The following LINGO2 variants were observed in gnomAD, a reference collection of about 807,000 sequenced individuals.
The protein encoded by LINGO2 is leucine-rich repeat and immunoglobulin-like domain-containing nogo receptor-interacting protein 2.
Under a neutral mutation model 30.6 loss-of-function variants are expected in LINGO2, and 14 were observed. The ratio of observed to expected loss-of-function variants is 0.46; its 90% CI spans 0.30 to 0.72. The LOEUF is 0.72. LINGO2 is among the 30% of genes least tolerant of loss of function. The pLI, the probability that LINGO2 is intolerant of heterozygous loss-of-function variation, is 0.07. For missense variants in LINGO2, 729 were observed against 751.7 expected, an observed-to-expected ratio of 0.97 and a Z score of 0.35; for synonymous variants, 317 against 288.5, an observed-to-expected ratio of 1.10 and a Z score of -1.00.
chr9:28,275,442 C>T (rs2134105064), intron 4 of LINGO2, among the ~76,000 whole-genome samples: 1 of 152,146 alleles, frequency 6.6e-6, no homozygotes, highest in South Asian at 2.1e-4. Flanking sequence ...CTTTTAAATC[C>T]CAGCCTCATC....
At chr9:28,438,833 T>C (rs1587675694) in intron 2 of LINGO2, among the ~76,000 whole-genome samples, 1 of 143,930 alleles carries the variant, frequency 6.9e-6, no homozygotes, top group South Asian at 2.1e-4. Context: ...TATACATATA[T>C]ATATATATAT....
chr9:28,106,364 G>C (rs1195447258), intron 4 of LINGO2, among the ~76,000 whole-genome samples: 1 of 152,090 alleles, frequency 6.6e-6, no homozygotes, highest in African/African-American at 2.4e-5. Context: ...TGGACACAGA[G>C]ACAGAAATAA....
the LINGO2 span, among the ~76,000 whole-genome samples, chr9:28,677,582 A>G: frequency 6.6e-6 from 1 of 152,140 alleles, no homozygotes; most frequent in Non-Finnish European, 1.5e-5. Context: ...TTCAGCACAT[A>G]TCTTCAGTGG....
In LINGO2 at chr9:28,461,072, T is replaced by G. The variant is rs147736310; in HGVS notation, c.-279+14868A>C. On this transcript the variant is annotated intron_variant, in intron 2 of 5. Coordinates refer to ENST00000379992, the Ensembl canonical transcript of LINGO2. ...GTCTTTCTTCTTTATCATCATAGTC[T>G]TTTTCTTTTCTTATATGAAGAAAAA... Among the ~76,000 whole-genome samples, 205 of 152,286 alleles carry G rather than the reference T, an allele frequency of 1.3e-3. 3 individuals are homozygous for G. The highest frequency in any genetic ancestry group is 4.7e-3 in the African/African-American group (197 of 41,554).
intron 4 of LINGO2, among the ~76,000 whole-genome samples, chr9:28,036,958 TTAAG>T (rs1479345204): frequency 6.6e-6 from 1 of 152,194 alleles, no homozygotes; most frequent in African/African-American, 2.4e-5. Context: ...AGTTGGGTGT[TTAAG>T]TGAGACAAGT....
At chr9:28,678,302 A>G in the LINGO2 span, among the ~76,000 whole-genome samples, 1 of 152,160 alleles carries the variant, frequency 6.6e-6, no homozygotes, top group East Asian at 1.9e-4. Flanking sequence ...AAGCCCTTAC[A>G]TGGGCTGTTG....
At chr9:28,733,687 T>C in the LINGO2 span, among the ~76,000 whole-genome samples, 2 of 152,168 alleles carry the variant, frequency 1.3e-5, no homozygotes, top group Non-Finnish European at 1.5e-5. Flanking sequence ...CTGTGATATC[T>C]ATCATTACTC....
intron 4 of LINGO2, among the ~76,000 whole-genome samples, chr9:28,179,477 T>C (rs1198783176): frequency 3.6e-5 from 5 of 137,426 alleles, no homozygotes; most frequent in African/African-American, 1.3e-4. Flanking sequence ...ATACTATATA[T>C]AGTTTATAGT....
At chr9:28,848,387 GTGTGTGTGTGTATATATATATA>G in the LINGO2 span, among the ~76,000 whole-genome samples, 7 of 51,826 alleles carry the variant, frequency 1.4e-4, 1 homozygote, top group African/African-American at 4.4e-4. Context: ...GTGTGTGTGT[GTGTGTGTGTGTATATATATATA>G]TATATATATA....
the LINGO2 span, among the ~76,000 whole-genome samples, chr9:28,988,303 C>A: frequency 2.0e-5 from 3 of 152,050 alleles, no homozygotes; most frequent in African/African-American, 7.2e-5. Context: ...TCTCATTTTA[C>A]AGTTTTCGAC....
At chr9:28,044,711 T>C (rs948398107) in intron 4 of LINGO2, among the ~76,000 whole-genome samples, 15 of 152,158 alleles carry the variant, frequency 9.9e-5, no homozygotes, top group Non-Finnish European at 2.2e-4. Flanking sequence ...AGCAGAGAGA[T>C]GTGAACAAAA....
the LINGO2 span, among the ~76,000 whole-genome samples, chr9:29,131,165 T>C: frequency 6.6e-6 from 1 of 152,136 alleles, no homozygotes; most frequent in South Asian, 2.1e-4. Flanking sequence ...TATTTCGTTT[T>C]TATAGCAAGC....
exon 6 of LINGO2, chr9:27,950,610 A>C (rs1264935528): frequency 6.6e-7 from 1 of 1,520,020 alleles, no homozygotes; most frequent in Non-Finnish European, 8.8e-7. Flanking sequence ...GGATCCCATG[A>C]AGATTAACAC....
chr9:28,354,376 A>G (rs1377096434), intron 3 of LINGO2, among the ~76,000 whole-genome samples: 3 of 152,204 alleles, frequency 2.0e-5, no homozygotes, highest in Non-Finnish European at 4.4e-5. Context: ...CAAATATGAC[A>G]TAAGCTAATA....
intron 4 of LINGO2, chr9:28,080,996 T>C (rs1825758234): frequency 6.6e-6 from 1 of 152,198 alleles, no homozygotes; most frequent in Admixed American, 6.5e-5. Context: ...AGAAGATAAG[T>C]TGCACTTTTA....
intron 2 of LINGO2, among the ~76,000 whole-genome samples, chr9:28,446,592 A>T (rs1007784593): frequency 9.9e-5 from 15 of 152,110 alleles, no homozygotes; most frequent in African/African-American, 3.1e-4. Flanking sequence ...TTTTGACTCT[A>T]TTCACTAATC....
chr9:28,810,957 C>T, the LINGO2 span, among the ~76,000 whole-genome samples: 1 of 152,074 alleles, frequency 6.6e-6, no homozygotes, highest in Non-Finnish European at 1.5e-5. Flanking sequence ...CATTTCATCC[C>T]ATGACTTTAA....
chr9:29,132,171 C>G, the LINGO2 span, among the ~76,000 whole-genome samples: 1 of 151,814 alleles, frequency 6.6e-6, no homozygotes, highest in African/African-American at 2.4e-5. Flanking sequence ...ACCATCTGTC[C>G]CTCTGCCTCC....
At chr9:28,744,637 TG>T in the LINGO2 span, among the ~76,000 whole-genome samples, 33 of 141,498 alleles carry the variant, frequency 2.3e-4, no homozygotes, top group African/African-American at 8.6e-4. Flanking sequence ...TGTGTGTGTG[TG>T]TATTTTTTTT....
Sources: gnomAD v4.1 joint callset for allele counts (sites outside exome capture counted in the v4.1 genomes callset) on GRCh38, gnomAD v4.1.1 for gene constraint, MANE v1.5 for transcripts, NCBI Gene and HGNC (gene_info 2026-07-23, HGNC 2026-07-21) for gene names.